PDE3A: variants seen among roughly 807,000 people sequenced by gnomAD.
PDE3A encodes cGMP-inhibited 3',5'-cyclic phosphodiesterase 3A.
A neutral mutation model predicts 98.3 loss-of-function variants in PDE3A; 43 were observed. That is an observed-to-expected ratio of 0.44 (90% CI 0.34 to 0.56). The LOEUF (loss-of-function observed/expected upper bound fraction) is 0.56. Among genes scored for constraint, PDE3A ranks in the 20% least tolerant of loss-of-function variants. The pLI is 0.01. For synonymous variants in PDE3A, 663 were observed against 567.9 expected (o/e 1.17, Z -2.38); for missense variants, 1,427 against 1,440.7 (o/e 0.99, Z 0.15).
chr12:20,680,550 A>G lies in PDE3A; in HGVS notation c.*279A>G, dbSNP rs999083250. The G allele has an allele frequency of 1.8e-5, 6 of 330,116 alleles. No individual in the cohort carries two copies. The highest frequency in any genetic ancestry group is 3.4e-5 in the Non-Finnish European group (6 of 177,688). The allele number at this position is 330,116 out of a possible 1,614,324, so 20.4% of individuals were successfully genotyped here. On this transcript the variant is annotated 3_prime_UTR_variant, in exon 16 of 16. Coordinates refer to ENST00000359062, the MANE Select transcript of PDE3A (RefSeq NM_000921.5). ...TGTATATAAGCTCCCACATAGATACATGTAAAACATATTCACACCCATGCA... is the reference window on the plus strand; with the variant it reads ...TGTATATAAGCTCCCACATAGATACGTGTAAAACATATTCACACCCATGCA...
At position 20,565,926 on chromosome 12, in the gene PDE3A, A is replaced by C. The variant is rs924025751; in HGVS notation, c.1011+9216A>C. On this transcript the variant is annotated intron_variant, in intron 2 of 15. Coordinates refer to ENST00000359062, the MANE Select transcript of PDE3A (RefSeq NM_000921.5). ...ATTCCTCACAAGATTTTATATTCTC[A>C]TCAAAGGTGCTGATTTTCTTACAAA... Among the ~76,000 whole-genome samples, 4 of 151,884 alleles carry C rather than the reference A, an allele frequency of 2.6e-5. No individual in the cohort carries two copies. In the East Asian group the frequency reaches 7.7e-4, roughly 29 times the overall value.
intron 1 of PDE3A, among the ~76,000 whole-genome samples, chr12:20,373,371 C>T (rs1032749319): frequency 1.3e-5 from 2 of 152,032 alleles, no homozygotes; most frequent in African/African-American, 4.8e-5. Flanking sequence ...CGGCCCGAAA[C>T]ATGGGAATAT....
intron 1 of PDE3A, among the ~76,000 whole-genome samples, chr12:20,541,038 A>G (rs1313366396): frequency 8.4e-6 from 1 of 119,080 alleles, no homozygotes; most frequent in Non-Finnish European, 1.8e-5. Flanking sequence ...TTAAGTGTAT[A>G]TTATTGACTC....
At chr12:20,388,711 T>C (rs1943857598) in intron 1 of PDE3A, among the ~76,000 whole-genome samples, 1 of 152,074 alleles carries the variant, frequency 6.6e-6, no homozygotes, top group Admixed American at 6.6e-5. Flanking sequence ...TTTGTTGTTT[T>C]CGTGTATCTG....
At chr12:20,401,714 G>GT (rs1239909733) in intron 1 of PDE3A, among the ~76,000 whole-genome samples, 2 of 152,100 alleles carry the variant, frequency 1.3e-5, no homozygotes, top group African/African-American at 4.8e-5. Flanking sequence ...CCATAGCGCT[G>GT]TATCTATTGC....
At chr12:20,454,277 A>G (rs545194260) in intron 1 of PDE3A, among the ~76,000 whole-genome samples, 1 of 151,906 alleles carries the variant, frequency 6.6e-6, no homozygotes, top group East Asian at 1.9e-4. Flanking sequence ...TTATTTTTTC[A>G]CTTCCTTGCC....
intron 1 of PDE3A, among the ~76,000 whole-genome samples, chr12:20,457,720 T>A (rs1211630277): frequency 6.6e-6 from 1 of 151,906 alleles, no homozygotes; most frequent in Admixed American, 6.6e-5. Context: ...CTTATCTGAG[T>A]TATTATATCT....
In PDE3A at chr12:20,393,643, A is replaced by G. The variant is rs11045206; in HGVS notation, c.960+23399A>G. On this transcript the variant is annotated intron_variant, in intron 1 of 15. Coordinates refer to ENST00000359062, the MANE Select transcript of PDE3A (RefSeq NM_000921.5). ...TGTACAACTCTGATGTATCAATTAA[A>G]AAGTAAAGAAAAACAAAACAGAAAA... Among the ~76,000 whole-genome samples the G allele has an allele frequency of 8.8e-3, 1,336 of 152,220 alleles. 35 individuals are homozygous for G. In the East Asian group the frequency reaches 0.098, roughly 11 times the overall value.
At chr12:20,587,439 A>AT (rs34663344) in intron 2 of PDE3A, among the ~76,000 whole-genome samples, 7 of 150,698 alleles carry the variant, frequency 4.6e-5, no homozygotes, top group South Asian at 4.2e-4. Context: ...ATTGGGATGA[A>AT]TTTTTTTTTT....
At chr12:20,566,708 G>C (rs1266262349) in intron 2 of PDE3A, among the ~76,000 whole-genome samples, 1 of 151,866 alleles carries the variant, frequency 6.6e-6, no homozygotes, top group Non-Finnish European at 1.5e-5. Flanking sequence ...CAAAGATGAT[G>C]ATTGGAAAAT....
Position 20,622,608 on chromosome 12 carries a change from G to C in PDE3A, c.1540+1197G>C, listed in dbSNP as rs151319572. The stretch of plus-strand genomic sequence containing the variant: ...TAAAATTGAGCTTTCATCAGGGCCA[G>C]GCAATGTAGGCTAATGTAGGCAAAT... On this transcript the variant is annotated intron_variant, in intron 5 of 15. Coordinates refer to ENST00000359062, the MANE Select transcript of PDE3A (RefSeq NM_000921.5). Among the ~76,000 whole-genome samples, 13 of 152,190 alleles carry C rather than the reference G, an allele frequency of 8.5e-5. No individual in the cohort carries two copies. The East Asian group carries it at 2.5e-3, about 29-fold the overall frequency.
chr12:20,639,348 T>C (rs1290192820), intron 9 of PDE3A, among the ~76,000 whole-genome samples: 3 of 152,144 alleles, frequency 2.0e-5, no homozygotes, highest in Admixed American at 2.0e-4. Context: ...AGTAATATAT[T>C]GATATATGAT....
At chr12:20,528,148 G>T (rs1316100414) in intron 1 of PDE3A, among the ~76,000 whole-genome samples, 2 of 152,172 alleles carry the variant, frequency 1.3e-5, no homozygotes, top group African/African-American at 4.8e-5. Context: ...TTTATCGTGA[G>T]TAGTTGTTCT....
At chr12:20,395,542 A>G (rs1384335332) in intron 1 of PDE3A, among the ~76,000 whole-genome samples, 9 of 147,050 alleles carry the variant, frequency 6.1e-5, no homozygotes, top group Non-Finnish European at 1.3e-4. Flanking sequence ...TATAATATGT[A>G]TACTATGTGT....
chr12:20,531,276 T>C (rs1046029607), intron 1 of PDE3A, among the ~76,000 whole-genome samples: 1 of 152,220 alleles, frequency 6.6e-6, no homozygotes, highest in Admixed American at 6.5e-5. Context: ...GCAAGATGGC[T>C]GATAAGGCAT....
chr12:20,584,380 G>A (rs1024852498), intron 2 of PDE3A, among the ~76,000 whole-genome samples: 1 of 152,132 alleles, frequency 6.6e-6, no homozygotes, highest in African/African-American at 2.4e-5. Flanking sequence ...TCAGAGAGAT[G>A]TAGAACATTA....
intron 2 of PDE3A, among the ~76,000 whole-genome samples, chr12:20,598,137 T>C (rs1943508793): frequency 6.6e-6 from 1 of 151,958 alleles, no homozygotes; most frequent in Non-Finnish European, 1.5e-5. Context: ...TGATTAGTTG[T>C]AGCAAATGAA....
chr12:20,390,697 A>G (rs1943897169), intron 1 of PDE3A, among the ~76,000 whole-genome samples: 1 of 151,876 alleles, frequency 6.6e-6, no homozygotes, highest in African/African-American at 2.4e-5. Context: ...TTGCAACCTC[A>G]TGTGACCCTG....
chr12:20,475,178 A>AGAGTGTGT (rs1555150179), intron 1 of PDE3A, among the ~76,000 whole-genome samples: 3 of 92,456 alleles, frequency 3.2e-5, no homozygotes, highest in Non-Finnish European at 4.7e-5. Context: ...AATGTGTGTG[A>AGAGTGTGT]GTGTGTGTGT....
Sources: allele counts gnomAD v4.1 joint callset (sites outside exome capture counted in the v4.1 genomes callset), GRCh38; gene constraint gnomAD v4.1.1; transcripts MANE v1.5; gene names NCBI Gene and HGNC (gene_info 2026-07-23, HGNC 2026-07-21).